Variants in NTRK3 observed in about 807,000 individuals in gnomAD.
NTRK3 encodes the protein NT-3 growth factor receptor.
Under a neutral mutation model 91.7 loss-of-function variants are expected in NTRK3, and 24 were observed. The ratio of observed to expected loss-of-function variants is 0.26; its 90% CI spans 0.19 to 0.37. NTRK3 has a LOEUF of 0.37. Among genes scored for constraint, NTRK3 ranks in the 10% least tolerant of loss-of-function variants. The pLI is 1.00. For synonymous variants in NTRK3, 483 were observed against 404.0 expected (o/e 1.20, Z -2.34); for missense variants, 880 against 1,068.9 (o/e 0.82, Z 2.46).
chr15:88,029,131 A>G (rs929418564), intron 14 of NTRK3, among the ~76,000 whole-genome samples: 5 of 152,230 alleles, frequency 3.3e-5, no homozygotes, highest in Non-Finnish European at 7.3e-5. Flanking sequence ...CTCAAGAACC[A>G]GAGGGCTATA....
intron 14 of NTRK3, among the ~76,000 whole-genome samples, chr15:87,955,756 C>A (rs1452028076): frequency 6.6e-6 from 1 of 152,306 alleles, no homozygotes; most frequent in Non-Finnish European, 1.5e-5. Context: ...GCCAGTTCAA[C>A]AAAGGAGATC....
intron 3 of NTRK3, among the ~76,000 whole-genome samples, chr15:88,214,016 T>C (rs1597992430): frequency 6.6e-6 from 1 of 151,682 alleles, no homozygotes; most frequent in African/African-American, 2.4e-5. Context: ...GAGGTGGAGG[T>C]TGCAGCAAGC....
chr15:87,975,992 C>T (rs2073682832), intron 14 of NTRK3, among the ~76,000 whole-genome samples: 1 of 152,176 alleles, frequency 6.6e-6, no homozygotes, highest in South Asian at 2.1e-4. Flanking sequence ...ATCCCTTCCT[C>T]CTGAGCTGTG....
intron 13 of NTRK3, among the ~76,000 whole-genome samples, chr15:88,096,734 G>A (rs2049644812): frequency 6.6e-6 from 1 of 152,194 alleles, no homozygotes; most frequent in African/African-American, 2.4e-5. Flanking sequence ...GAGCAACTTT[G>A]AGGCAGGTGC....
intron 5 of NTRK3, among the ~76,000 whole-genome samples, chr15:88,148,411 C>G (rs1005566517): frequency 6.6e-6 from 1 of 152,058 alleles, no homozygotes; most frequent in Non-Finnish European, 1.5e-5. Flanking sequence ...GTATCAACAC[C>G]GTGATGTAAG....
intron 13 of NTRK3, among the ~76,000 whole-genome samples, chr15:88,110,668 G>A (rs1380860536): frequency 6.6e-6 from 1 of 152,214 alleles, no homozygotes; most frequent in Non-Finnish European, 1.5e-5. Context: ...ACTGTGCAAA[G>A]TGCTACAGAG....
intron 14 of NTRK3, among the ~76,000 whole-genome samples, chr15:88,025,511 A>G (rs1366921961): frequency 6.6e-6 from 1 of 152,196 alleles, no homozygotes. Context: ...CTAAAACTAT[A>G]TGTCTGGTGT....
At chr15:88,206,846 CCACG>C (rs1183038511) in intron 3 of NTRK3, among the ~76,000 whole-genome samples, 1 of 152,156 alleles carries the variant, frequency 6.6e-6, no homozygotes, top group East Asian at 1.9e-4. Flanking sequence ...ATCGGAGGCC[CCACG>C]CAGGGCCTTT....
In NTRK3 at chr15:88,044,254, C is replaced by CTTTTT. The variant is rs1181028004; in HGVS notation, c.1397-11214_1397-11210dup. 1.4e-3 allele frequency among the ~76,000 whole-genome samples: 110 copies of CTTTTT among 78,496 alleles called. 2 individuals carry two copies. The highest frequency in any genetic ancestry group is 1.7e-3 in the South Asian group (3 of 1,788). The allele number at this position is 78,496 out of a possible 152,430, so 51.5% of individuals were successfully genotyped here. On this transcript the variant is annotated intron_variant, in intron 13 of 18. Coordinates refer to ENST00000394480, the Ensembl canonical transcript of NTRK3. ...GCTGTGGGATTCCCAAGTCTATGTTCTTTTTTTTTTTTTTTTTTTTTTTTG... is the reference window on the plus strand; with the variant it reads ...GCTGTGGGATTCCCAAGTCTATGTTCTTTTTTTTTTTTTTTTTTTTTTTTTTTTTG...
intron 14 of NTRK3, among the ~76,000 whole-genome samples, chr15:87,947,954 C>A (rs2070738640): frequency 6.6e-6 from 1 of 152,078 alleles, no homozygotes. Flanking sequence ...GGGAAGGAGA[C>A]CACCAAGAGG....
intron 14 of NTRK3, among the ~76,000 whole-genome samples, chr15:88,015,443 G>C (rs2077165868): frequency 6.6e-6 from 1 of 151,992 alleles, no homozygotes; most frequent in Non-Finnish European, 1.5e-5. Context: ...CGGTGGCCTG[G>C]AAGGCCCTTC....
At chr15:87,942,529 G>T (rs1230010555) in intron 14 of NTRK3, among the ~76,000 whole-genome samples, 1 of 152,166 alleles carries the variant, frequency 6.6e-6, no homozygotes, top group African/African-American at 2.4e-5. Context: ...ATGACACATA[G>T]GTTCTGCAAG....
chr15:88,093,164 T>C (rs894667267), intron 13 of NTRK3, among the ~76,000 whole-genome samples: 15 of 151,516 alleles, frequency 9.9e-5, no homozygotes, highest in Admixed American at 7.9e-4. Context: ...TAAACATGAA[T>C]TTTTTTCCCT....
intron 14 of NTRK3, among the ~76,000 whole-genome samples, chr15:88,026,088 G>A (rs894532271): frequency 2.6e-4 from 39 of 152,238 alleles, no homozygotes; most frequent in African/African-American, 8.4e-4. Flanking sequence ...TTGCTAACAC[G>A]GTGAAACCCC....
intron 14 of NTRK3, among the ~76,000 whole-genome samples, chr15:87,984,391 T>A (rs1309621022): frequency 6.6e-6 from 1 of 152,238 alleles, no homozygotes; most frequent in Non-Finnish European, 1.5e-5. Flanking sequence ...TAATGGTGCC[T>A]GGGCTATGGT....
intron 13 of NTRK3, among the ~76,000 whole-genome samples, chr15:88,103,029 C>T (rs2050338796): frequency 1.3e-5 from 2 of 152,166 alleles, no homozygotes; most frequent in Admixed American, 1.3e-4. Flanking sequence ...TACATTAATC[C>T]TTACAATAAC....
chr15:87,946,652 A>T (rs1359749456), intron 14 of NTRK3, among the ~76,000 whole-genome samples: 1 of 152,072 alleles, frequency 6.6e-6, no homozygotes, highest in African/African-American at 2.4e-5. Flanking sequence ...TCCCTGGCTC[A>T]TGTTGATACT....
intron 14 of NTRK3, among the ~76,000 whole-genome samples, chr15:87,968,420 T>C (rs1314088251): frequency 6.6e-6 from 1 of 151,844 alleles, no homozygotes; most frequent in African/African-American, 2.4e-5. Flanking sequence ...TTCTGGGAGG[T>C]AGAGTAAGTT....
chr15:87,954,408 A>C (rs1369471286), intron 14 of NTRK3, among the ~76,000 whole-genome samples: 2 of 152,166 alleles, frequency 1.3e-5, no homozygotes, highest in Non-Finnish European at 2.9e-5. Context: ...CCTCCTGCAG[A>C]TGTGTTTTGT....
Sources: allele counts gnomAD v4.1 joint callset (sites outside exome capture counted in the v4.1 genomes callset), GRCh38; gene constraint gnomAD v4.1.1; transcripts MANE v1.5; gene names NCBI Gene and HGNC (gene_info 2026-07-23, HGNC 2026-07-21).